EPB41L4B: variants seen among roughly 807,000 people sequenced by gnomAD.
EPB41L4B encodes erythrocyte membrane protein band 4.1 like 4B.
In EPB41L4B, 30 loss-of-function variants were observed where a neutral mutation model predicts 112.5. That is an observed-to-expected ratio of 0.27 (90% CI 0.20 to 0.36). The LOEUF is 0.36. Among genes scored for constraint, EPB41L4B ranks in the 10% least tolerant of loss-of-function variants. EPB41L4B has a pLI of 1.00. For missense variants in EPB41L4B, 1,024 were observed against 1,133.3 expected, an observed-to-expected ratio of 0.90 and a Z score of 1.38; for synonymous variants, 408 against 439.7, an observed-to-expected ratio of 0.93 and a Z score of 0.90.
chr9:109,190,443 G>A (rs530644792), intron 22 of EPB41L4B, among the ~76,000 whole-genome samples: 1 of 152,308 alleles, frequency 6.6e-6, no homozygotes, highest in African/African-American at 2.4e-5. Context: ...CAGGGCTGGT[G>A]GCAAAATAAC....
intron 1 of EPB41L4B, among the ~76,000 whole-genome samples, chr9:109,289,903 A>G (rs949959133): frequency 2.6e-5 from 4 of 152,230 alleles, no homozygotes; most frequent in African/African-American, 9.6e-5. Context: ...TATTAAGAAC[A>G]TTACAAGTCT....
chr9:109,200,429 T>G (rs1832784114), intron 19 of EPB41L4B, 95 bp from the exon 20 acceptor site: 1 of 831,934 alleles, frequency 1.2e-6, no homozygotes, highest in African/African-American at 1.7e-5. Context: ...ATGTACACCT[T>G]AATAACATTG....
chr9:109,249,984 C>T (rs573557154), intron 13 of EPB41L4B, among the ~76,000 whole-genome samples: 136 of 152,192 alleles, frequency 8.9e-4, no homozygotes, highest in Non-Finnish European at 1.6e-3. Flanking sequence ...TCTCTAGAAC[C>T]CTGGGTTCCT....
intron 4 of EPB41L4B, among the ~76,000 whole-genome samples, chr9:109,265,472 A>G (rs924884213): frequency 6.6e-6 from 1 of 152,210 alleles, no homozygotes; most frequent in African/African-American, 2.4e-5. Context: ...ATTCTAGTCA[A>G]AAAACCACTG....
rs878927224 is a variant in EPB41L4B, at chr9:109,174,398, A to G, written c.*156T>C. 6 of 674,942 alleles carry G rather than the reference A, an allele frequency of 8.9e-6. No individual in the cohort carries two copies. The highest frequency in any genetic ancestry group is 1.6e-5 in the Non-Finnish European group (6 of 374,652). 41.8% of individuals were successfully genotyped at this position (674,942 alleles called of 1,614,324 possible). On this transcript the variant is annotated 3_prime_UTR_variant, in exon 26 of 26. Coordinates refer to ENST00000374566, the MANE Select transcript of EPB41L4B (RefSeq NM_019114.5). ...TAGGAGACATAAAATAACTTTTCCC[A>G]TAAAAGTCAAGCCAGAAATTGGCTT...
chr9:109,210,406 G>A (rs1309317033), intron 17 of EPB41L4B, among the ~76,000 whole-genome samples: 1 of 152,184 alleles, frequency 6.6e-6, no homozygotes, highest in Non-Finnish European at 1.5e-5. Context: ...GCATACAGGA[G>A]TCAAATTGGT....
At chr9:109,230,248 C>G (rs1369912527) in intron 15 of EPB41L4B, among the ~76,000 whole-genome samples, 1 of 152,148 alleles carries the variant, frequency 6.6e-6, no homozygotes, top group East Asian at 1.9e-4. Flanking sequence ...AGTCATGTAG[C>G]TAGTAAATGG....
rs908622202 is a variant in EPB41L4B at position 109,268,574 on chromosome 9, G to C, written c.412-141C>G. On this transcript the variant is annotated intron_variant, in intron 2 of 25. Transcript: ENST00000374566. ...GATCATATCATGGGTTCTTAGGCTG[G>C]GAATCTGCAAACTGCTTGGGATGGT... 4 of 720,858 alleles carry C rather than the reference G, an allele frequency of 5.5e-6. No homozygotes were observed. In the African/African-American group the frequency reaches 7.3e-5, roughly 13 times the overall value. The allele number at this position is 720,858 out of a possible 1,614,324, so 44.7% of individuals were successfully genotyped here.
Position 109,172,592 on chromosome 9 carries a change from T to A in EPB41L4B, c.*1962A>T, listed in dbSNP as rs1831668411. ...CACATATTGATAGCTCTTAATGATA[T>A]CACTGCACCGTACCAAGGTATAAAA... On this transcript the variant is annotated 3_prime_UTR_variant, in exon 26 of 26. Transcript: ENST00000374566. 6.6e-6 allele frequency: 1 copy of A among 152,204 alleles called. No individual in the cohort carries two copies. The highest frequency in any genetic ancestry group is 2.1e-4 in the South Asian group (1 of 4,830). The allele number at this position is 152,204 out of a possible 1,614,324, so 9.4% of individuals were successfully genotyped here. A position where few individuals can be genotyped will look rare whatever the true frequency, so the allele number is the denominator to read the frequency against.
At chr9:109,242,671 G>T (rs1303997524) in intron 15 of EPB41L4B, among the ~76,000 whole-genome samples, 2 of 152,074 alleles carry the variant, frequency 1.3e-5, no homozygotes, top group Non-Finnish European at 2.9e-5. Context: ...CTCTAAGTGG[G>T]TTTATTTCCA....
At chr9:109,306,867 T>C (rs915236741) in intron 1 of EPB41L4B, among the ~76,000 whole-genome samples, 1 of 152,064 alleles carries the variant, frequency 6.6e-6, no homozygotes, top group Non-Finnish European at 1.5e-5. Context: ...GACCCAAGAA[T>C]CCACTGGGGG....
intron 15 of EPB41L4B, among the ~76,000 whole-genome samples, chr9:109,226,527 C>T (rs185007959): frequency 6.6e-6 from 1 of 151,104 alleles, no homozygotes; most frequent in Non-Finnish European, 1.5e-5. Context: ...TAAATTCCCT[C>T]TGTAAGAAAT....
At chr9:109,278,060 G>C (rs573726231) in intron 2 of EPB41L4B, among the ~76,000 whole-genome samples, 73 of 152,262 alleles carry the variant, frequency 4.8e-4, no homozygotes, top group African/African-American at 1.7e-3. Flanking sequence ...GACACCAAAG[G>C]CCTCGAGGGA....
intron 15 of EPB41L4B, chr9:109,240,592 A>G (rs1409074493): frequency 1.0e-6 from 1 of 985,414 alleles, no homozygotes; most frequent in Non-Finnish European, 1.2e-6. Context: ...TGGGGGAAAT[A>G]AATATTTTGG....
intron 22 of EPB41L4B, among the ~76,000 whole-genome samples, chr9:109,191,079 G>A (rs1330645863): frequency 1.3e-5 from 2 of 152,188 alleles, no homozygotes; most frequent in East Asian, 1.9e-4. Context: ...GGAAGCAGAT[G>A]GAGGGAGGAG....
At chr9:109,194,162 T>G (rs1832560896) in intron 21 of EPB41L4B, 58 bp downstream of exon 21, 2 of 1,558,162 alleles carry the variant, frequency 1.3e-6, no homozygotes, top group Non-Finnish European at 1.8e-6. Flanking sequence ...ACTCAGTAAA[T>G]TGATACTGAA....
At chr9:109,275,434 A>G (rs142401924) in intron 2 of EPB41L4B, among the ~76,000 whole-genome samples, 72 of 152,308 alleles carry the variant, frequency 4.7e-4, no homozygotes, top group African/African-American at 1.7e-3. Context: ...CAGGTCCTAT[A>G]AAAATCAATG....
At chr9:109,237,199 A>G (rs1195384614) in intron 15 of EPB41L4B, among the ~76,000 whole-genome samples, 1 of 152,242 alleles carries the variant, frequency 6.6e-6, no homozygotes, top group African/African-American at 2.4e-5. Context: ...TTATTCCTCC[A>G]TCTTTGTGGT....
rs1231698247 is a variant in EPB41L4B at position 109,256,141 on chromosome 9, G to C, written c.924C>G (p.Phe308Leu). The change falls in exon 9 of 26, where the codon TTC (phenylalanine) becomes TTG (leucine). Residue 308 changes from phenylalanine to leucine, a missense_variant. Transcript: ENST00000374566. ...IFEGANKIGL[F>L]FWPKITKMDF... is the part of the protein sequence containing the mutation. ...ATTAGACAAAACTAAATTACCAAAA[G>C]AATAAGCCTATTTTGTTAGCTCCTT... is the stretch of plus-strand genomic sequence containing the variant. 1 of 1,612,876 alleles carries C rather than the reference G, an allele frequency of 6.2e-7. No individual in the cohort carries two copies.
Sources: gnomAD v4.1 joint callset for allele counts (sites outside exome capture counted in the v4.1 genomes callset) on GRCh38, gnomAD v4.1.1 for gene constraint, MANE v1.5 for transcripts, NCBI Gene and HGNC (gene_info 2026-07-23, HGNC 2026-07-21) for gene names.